ACOXL: variants seen among roughly 807,000 people sequenced by gnomAD.
ACOXL encodes the protein acyl-coenzyme A oxidase-like protein.
A neutral mutation model predicts 71.9 loss-of-function variants in ACOXL; 70 were observed. The ratio of observed to expected loss-of-function variants is 0.97; its 90% confidence interval spans 0.80 to 1.19. ACOXL has a LOEUF of 1.19. ACOXL is among the 50% of genes most tolerant of loss of function. ACOXL has a pLI of 0.00. For synonymous variants in ACOXL, 253 were observed against 281.6 expected, an observed-to-expected ratio of 0.90 and a Z score of 1.02; for missense variants, 703 against 736.3, an observed-to-expected ratio of 0.95 and a Z score of 0.52.
chr2:111,031,371 G>T (rs1352094515), intron 14 of ACOXL, among the ~76,000 whole-genome samples: 6 of 152,116 alleles, frequency 3.9e-5, no homozygotes, highest in Admixed American at 2.6e-4. Context: ...TCCCCTTCAC[G>T]TGTTTCTCTA....
At chr2:111,008,733 A>G (rs1378790721) in intron 14 of ACOXL, among the ~76,000 whole-genome samples, 1 of 152,186 alleles carries the variant, frequency 6.6e-6, no homozygotes, top group Non-Finnish European at 1.5e-5. Context: ...TTTTCATTCC[A>G]CTGAGTGAAG....
intron 12 of ACOXL, chr2:110,963,612 T>C: frequency 6.2e-7 from 1 of 1,612,000 alleles, no homozygotes; most frequent in South Asian, 1.1e-5. Flanking sequence ...TGTTTTTCTC[T>C]TTCTGCAACA....
In ACOXL at chr2:110,790,178, C is replaced by T. The variant is rs113339471; in HGVS notation, c.160-3472C>T. 1.6e-3 allele frequency among the ~76,000 whole-genome samples: 247 copies of T among 152,360 alleles called. 2 individuals are homozygous for T. Among genetic ancestry groups the T allele is most frequent in the African/African-American group, 5.6e-3 (233 of 41,580 alleles). On this transcript the variant is annotated intron_variant, in intron 3 of 17. Transcript: ENST00000439055. ...CTCCATAAATGGTGGGGACTGTAACCTCCTGGGACGTGGCTGGGGGCCCAG... is the reference window on the plus strand; with the variant it reads ...CTCCATAAATGGTGGGGACTGTAACTTCCTGGGACGTGGCTGGGGGCCCAG...
chr2:110,760,759 T>G (rs1241911369), intron 1 of ACOXL, among the ~76,000 whole-genome samples: 1 of 152,206 alleles, frequency 6.6e-6, no homozygotes, highest in Admixed American at 6.5e-5. Context: ...TCAGGGATAT[T>G]CCCATGAGTA....
intron 1 of ACOXL, among the ~76,000 whole-genome samples, chr2:110,767,465 G>A (rs896514249): frequency 6.6e-6 from 1 of 152,216 alleles, no homozygotes; most frequent in Non-Finnish European, 1.5e-5. Flanking sequence ...AAGTCTGCAG[G>A]CAAGTGGGCT....
intron 14 of ACOXL, among the ~76,000 whole-genome samples, chr2:111,013,965 A>G (rs1022012415): frequency 6.6e-6 from 1 of 152,258 alleles, no homozygotes; most frequent in Non-Finnish European, 1.5e-5. Context: ...AATATACAAT[A>G]CTAACAAAGG....
intron 16 of ACOXL, among the ~76,000 whole-genome samples, chr2:111,082,797 A>G (rs1055010627): frequency 6.6e-6 from 1 of 152,230 alleles, no homozygotes; most frequent in Non-Finnish European, 1.5e-5. Context: ...ATGCCCACCA[A>G]TGATAGACTG....
intron 10 of ACOXL, among the ~76,000 whole-genome samples, chr2:110,859,647 C>T (rs1693702713): frequency 1.3e-5 from 2 of 152,194 alleles, no homozygotes; most frequent in African/African-American, 4.8e-5. Flanking sequence ...AACCCGATTC[C>T]ATTTCCAACT....
chr2:111,099,681 A>G (rs1357925725), intron 17 of ACOXL: 1 of 152,204 alleles, frequency 6.6e-6, no homozygotes, highest in Non-Finnish European at 1.5e-5. Flanking sequence ...GTAGAGAACA[A>G]TTGTGTTCCT....
chr2:110,812,579 C>A (rs1240073953), intron 9 of ACOXL, among the ~76,000 whole-genome samples: 4 of 152,188 alleles, frequency 2.6e-5, no homozygotes, highest in African/African-American at 9.6e-5. Context: ...TTTTCTGTTT[C>A]TGTGTTAGTT....
intron 1 of ACOXL, among the ~76,000 whole-genome samples, chr2:110,758,044 A>T (rs1679922426): frequency 6.6e-6 from 1 of 152,174 alleles, no homozygotes; most frequent in Non-Finnish European, 1.5e-5. Context: ...TTAAGTCTTT[A>T]ATCCAACTTG....
chr2:110,783,191 TC>T (rs1229483749), intron 2 of ACOXL, among the ~76,000 whole-genome samples: 2 of 152,210 alleles, frequency 1.3e-5, no homozygotes, highest in African/African-American at 4.8e-5. Flanking sequence ...GGTCAGTCTT[TC>T]CTGTCCTGTT....
intron 10 of ACOXL, among the ~76,000 whole-genome samples, chr2:110,849,048 G>GC (rs1320511041): frequency 1.3e-5 from 2 of 152,180 alleles, no homozygotes; most frequent in African/African-American, 4.8e-5. Flanking sequence ...CCCTCCAACA[G>GC]CCCCCCTTTA....
At chr2:110,808,539 A>G (rs997024894) in intron 9 of ACOXL, among the ~76,000 whole-genome samples, 12 of 152,200 alleles carry the variant, frequency 7.9e-5, no homozygotes, top group African/African-American at 2.6e-4. Context: ...CTGTTTCTGT[A>G]TCCAGGATCC....
intron 16 of ACOXL, among the ~76,000 whole-genome samples, chr2:111,054,153 G>T (rs2066424245): frequency 6.6e-6 from 1 of 152,224 alleles, no homozygotes; most frequent in South Asian, 2.1e-4. Context: ...CCTGTCTATA[G>T]GTGGATCTGA....
At chr2:110,773,314 TGGGAA>T (rs1682198466) in intron 2 of ACOXL, among the ~76,000 whole-genome samples, 1 of 152,194 alleles carries the variant, frequency 6.6e-6, no homozygotes, top group Non-Finnish European at 1.5e-5. Flanking sequence ...AGAAGGTGTT[TGGGAA>T]TGCCGGGGAG....
intron 16 of ACOXL, among the ~76,000 whole-genome samples, chr2:111,083,562 T>A (rs1262630139): frequency 2.0e-5 from 3 of 151,076 alleles, no homozygotes; most frequent in Non-Finnish European, 4.4e-5. Context: ...CAGGGTTTTT[T>A]TGTTTTTTTT....
intron 9 of ACOXL, among the ~76,000 whole-genome samples, chr2:110,815,053 G>C (rs908209572): frequency 6.6e-6 from 1 of 152,282 alleles, no homozygotes; most frequent in African/African-American, 2.4e-5. Context: ...GTTCTGCAGG[G>C]CTGGGGAGGC....
intron 2 of ACOXL, among the ~76,000 whole-genome samples, chr2:110,781,077 G>T (rs915256758): frequency 2.0e-5 from 3 of 152,148 alleles, no homozygotes; most frequent in Non-Finnish European, 4.4e-5. Context: ...TTGAAGGTGG[G>T]TACTAACTGT....
Sources: allele counts gnomAD v4.1 joint callset (sites outside exome capture counted in the v4.1 genomes callset), GRCh38; gene constraint gnomAD v4.1.1; transcripts MANE v1.5; gene names NCBI Gene and HGNC (gene_info 2026-07-23, HGNC 2026-07-21).